HDAC8: variants seen among roughly 807,000 people sequenced by gnomAD.
The protein encoded by HDAC8 is histone deacetylase 8, also known as histone deacetylase-like 1.
In HDAC8, 1 loss-of-function variant was observed where a neutral mutation model predicts 32.2. That is an observed-to-expected ratio of 0.03 (90% confidence interval 0.01 to 0.15). The LOEUF (loss-of-function observed/expected upper bound fraction) is 0.15. HDAC8 is among the 10% of genes least tolerant of loss of function. The probability of loss-of-function intolerance (pLI) is 1.00; values close to 1 mark genes in which losing one functional copy is unlikely to be tolerated. For missense variants in HDAC8, 117 were observed against 300.0 expected (o/e 0.39, Z 4.51); for synonymous variants, 108 against 113.9 (o/e 0.95, Z 0.33).
intron 4 of HDAC8, among the ~76,000 whole-genome samples, chrX:72,555,441 T>C (rs1468523493): frequency 3.6e-5 from 4 of 112,215 alleles, no homozygotes; most frequent in Non-Finnish European, 7.5e-5. Context: ...GAAGGTCGAT[T>C]ATTAAGCTAA....
intron 10 of HDAC8, among the ~76,000 whole-genome samples, chrX:72,341,055 G>T (rs1339817723): frequency 9.0e-6 from 1 of 111,669 alleles, no homozygotes; most frequent in Non-Finnish European, 1.9e-5. Context: ...CCATAAAAAT[G>T]GTTCTGTGGT....
intron 9 of HDAC8, among the ~76,000 whole-genome samples, chrX:72,456,605 T>C (rs782280965): frequency 2.9e-3 from 317 of 110,608 alleles, no homozygotes; most frequent in Middle Eastern, 4.6e-3. Context: ...TCAAGACCAG[T>C]TTGACCAACA....
At chrX:72,554,208 G>T (rs1556084629) in intron 4 of HDAC8, among the ~76,000 whole-genome samples, 1 of 111,141 alleles carries the variant, frequency 9.0e-6, no homozygotes, top group Non-Finnish European at 1.9e-5. Flanking sequence ...GTGGCTAGGA[G>T]GCAGGACTAG....
rs1350350653 is a variant in HDAC8, at chrX:72,432,478, A to T, written c.1005+29526T>A. On this transcript the variant is annotated intron_variant, in intron 9 of 10. Transcript: ENST00000373573. ...ACAGTGGCCTCCTTTCAGCACCCAG[A>T]ATACACTGAGCTCTTTCTTACCTCA... Among the ~76,000 whole-genome samples the T allele has an allele frequency of 2.7e-5, 3 of 110,523 alleles. No homozygotes were observed. The Admixed American group carries it at 2.9e-4, about 11-fold the overall frequency.
At chrX:72,434,181 A>G (rs2046891852) in intron 9 of HDAC8, among the ~76,000 whole-genome samples, 1 of 111,908 alleles carries the variant, frequency 8.9e-6, no homozygotes, top group African/African-American at 3.2e-5. Context: ...TGACTCTACT[A>G]CTTTACTAGT....
At chrX:72,571,427 A>G (rs940067751) in intron 2 of HDAC8, among the ~76,000 whole-genome samples, 3 of 110,387 alleles carry the variant, frequency 2.7e-5, no homozygotes, top group Non-Finnish European at 3.8e-5. Flanking sequence ...AATCTCCACA[A>G]TGCACTGCAC....
At chrX:72,338,474 G>A (rs1421439373) in intron 10 of HDAC8, among the ~76,000 whole-genome samples, 1 of 109,067 alleles carries the variant, frequency 9.2e-6, no homozygotes, top group Non-Finnish European at 1.9e-5. Context: ...CAGTTTGGAG[G>A]GATGCTGGTG....
At chrX:72,556,418 T>C (rs1556093600) in intron 4 of HDAC8, among the ~76,000 whole-genome samples, 1 of 111,573 alleles carries the variant, frequency 9.0e-6, no homozygotes, top group Admixed American at 9.6e-5. Context: ...ATACTAACAT[T>C]GAACGTAGCC....
At chrX:72,367,455 G>A (rs1555954773) in intron 9 of HDAC8, among the ~76,000 whole-genome samples, 1 of 112,151 alleles carries the variant, frequency 8.9e-6, no homozygotes. Flanking sequence ...ACCTTAAAGG[G>A]TTGTCTATGA....
chrX:72,490,644 C>T lies in HDAC8; in HGVS notation c.628+285G>A, dbSNP rs1180470125. On this transcript the variant is annotated intron_variant, in intron 6 of 10. Transcript: ENST00000373573. ...GGGAGGGATAGCTTTAGGAGATATA[C>T]CTAATGCTAAATGACGAGTTAATGG... is the stretch of plus-strand genomic sequence containing the variant. 2.9e-5 allele frequency among the ~76,000 whole-genome samples: 3 copies of T among 103,011 alleles called. No individual in the cohort carries two copies. The East Asian group carries it at 9.8e-4, about 34-fold the overall frequency. The allele number at this position is 103,011 out of a possible 115,157, so 89.5% of individuals were successfully genotyped here. A position where few individuals can be genotyped will look rare whatever the true frequency, so the allele number is the denominator to read the frequency against.
intron 9 of HDAC8, among the ~76,000 whole-genome samples, chrX:72,385,332 T>C (rs1262438788): frequency 1.8e-5 from 2 of 110,065 alleles, no homozygotes; most frequent in Admixed American, 2.0e-4. Context: ...GGCATGGTGG[T>C]ACATGCCTGT....
At chrX:72,478,088 G>T in intron 7 of HDAC8, among the ~76,000 whole-genome samples, 1 of 112,508 alleles carries the variant, frequency 8.9e-6, no homozygotes, top group Middle Eastern at 4.6e-3. Flanking sequence ...ATCTATCTTG[G>T]CACAAAAAGG....
At chrX:72,532,994 G>C (rs2050400007) in intron 4 of HDAC8, among the ~76,000 whole-genome samples, 1 of 111,831 alleles carries the variant, frequency 8.9e-6, no homozygotes, top group Non-Finnish European at 1.9e-5. Flanking sequence ...TATAGTTTTA[G>C]TTCTTACATT....
rs782331910 is a variant in HDAC8 at position 72,571,553 on chromosome X, C to CTTTTTTTTTTTTTTTTTTTTTTT, written c.164+481_164+503dup. On this transcript the variant is annotated intron_variant, in intron 2 of 10. Transcript: ENST00000373573. ...TTCTTTTCTTTTTCTTTCTTTCTTT[C>CTTTTTTTTTTTTTTTTTTTTTTT]TTTTTTTTTTTTTTTTTTTTTTTTT... Among the ~76,000 whole-genome samples, 29 of 30,455 alleles carry CTTTTTTTTTTTTTTTTTTTTTTT rather than the reference C, an allele frequency of 9.5e-4. 1 individual carries two copies. Among genetic ancestry groups the CTTTTTTTTTTTTTTTTTTTTTTT allele is most frequent in the Non-Finnish European group, 1.5e-3 (25 of 16,906 alleles). The allele number at this position is 30,455 out of a possible 115,157, so 26.4% of individuals were successfully genotyped here.
chrX:72,400,493 A>C (rs1469037824), intron 9 of HDAC8, among the ~76,000 whole-genome samples: 1 of 111,863 alleles, frequency 8.9e-6, no homozygotes, highest in Non-Finnish European at 1.9e-5. Context: ...GTGTTCCCTC[A>C]TCCCACACAC....
chrX:72,525,673 G>A (rs2050121677), intron 4 of HDAC8, among the ~76,000 whole-genome samples: 1 of 108,028 alleles, frequency 9.3e-6, no homozygotes, highest in African/African-American at 3.4e-5. Context: ...AATTAGCCGG[G>A]CGTTGTGGCG....
At chrX:72,444,108 C>T (rs1312025866) in intron 9 of HDAC8, among the ~76,000 whole-genome samples, 2 of 109,104 alleles carry the variant, frequency 1.8e-5, no homozygotes, top group Non-Finnish European at 3.8e-5. Context: ...ACCAGAGGTA[C>T]AAGGAGGAGC....
chrX:72,516,284 TAAC>T (rs1353683839), intron 4 of HDAC8, among the ~76,000 whole-genome samples: 1 of 111,896 alleles, frequency 8.9e-6, no homozygotes, highest in African/African-American at 3.2e-5. Context: ...TGGTGTGACT[TAAC>T]AAGTAGCCAG....
chrX:72,338,693 A>T (rs1254906908), intron 10 of HDAC8, among the ~76,000 whole-genome samples: 1 of 100,288 alleles, frequency 1.0e-5, no homozygotes, highest in African/African-American at 3.6e-5. Context: ...ACAAATATAT[A>T]TATATATATT....
Sources: gnomAD v4.1 joint callset for allele counts (sites outside exome capture counted in the v4.1 genomes callset) on GRCh38, gnomAD v4.1.1 for gene constraint, MANE v1.5 for transcripts, NCBI Gene and HGNC (gene_info 2026-07-23, HGNC 2026-07-21) for gene names.